The following GALNT17 variants were observed in gnomAD, a reference collection of about 807,000 sequenced individuals.
GALNT17 encodes the protein polypeptide N-acetylgalactosaminyltransferase 17.
A neutral mutation model predicts 63.7 loss-of-function variants in GALNT17; 29 were observed. The observed-to-expected ratio is 0.46, with a 90% CI of 0.34 to 0.62. The LOEUF (loss-of-function observed/expected upper bound fraction) is 0.62. Among genes scored for constraint, GALNT17 ranks in the 20% least tolerant of loss-of-function variants. The pLI is 0.01. For synonymous variants in GALNT17, 305 were observed against 318.3 expected, an observed-to-expected ratio of 0.96 and a Z score of 0.45; for missense variants, 603 against 799.6, an observed-to-expected ratio of 0.75 and a Z score of 2.97.
chr7:71,281,538 A>G (rs1790776746), intron 1 of GALNT17, among the ~76,000 whole-genome samples: 2 of 152,194 alleles, frequency 1.3e-5, no homozygotes, highest in African/African-American at 2.4e-5. Flanking sequence ...CAGAGAGTGC[A>G]GCAGGATCCA....
chr7:71,445,026 GA>G (rs770131403), intron 5 of GALNT17, among the ~76,000 whole-genome samples: 3 of 152,078 alleles, frequency 2.0e-5, no homozygotes, highest in Non-Finnish European at 4.4e-5. Context: ...TTTTATGGGG[GA>G]ATGGAGAGGG....
intron 6 of GALNT17, among the ~76,000 whole-genome samples, chr7:71,660,693 C>T (rs1222953528): frequency 6.6e-6 from 1 of 152,226 alleles, no homozygotes; most frequent in Admixed American, 6.5e-5. Flanking sequence ...GAATATCACT[C>T]CTTCCGGGAA....
chr7:71,708,557 C>A (rs1429180324), intron 9 of GALNT17, among the ~76,000 whole-genome samples: 1 of 152,124 alleles, frequency 6.6e-6, no homozygotes, highest in Non-Finnish European at 1.5e-5. Context: ...CAAATGGATT[C>A]TTTTTAATTT....
intron 3 of GALNT17, among the ~76,000 whole-genome samples, chr7:71,389,164 C>T (rs556821160): frequency 3.4e-4 from 51 of 151,122 alleles, no homozygotes; most frequent in African/African-American, 1.2e-3. Flanking sequence ...GATGGAGTCT[C>T]GCTCCATCAC....
intron 6 of GALNT17, among the ~76,000 whole-genome samples, chr7:71,658,458 C>T (rs927598498): frequency 2.0e-5 from 3 of 152,152 alleles, no homozygotes; most frequent in African/African-American, 7.2e-5. Context: ...TTCCATATTC[C>T]AGAGGCCTGG....
At chr7:71,137,283 G>A (rs1279706100) in intron 1 of GALNT17, among the ~76,000 whole-genome samples, 1 of 152,024 alleles carries the variant, frequency 6.6e-6, no homozygotes, top group African/African-American at 2.4e-5. Flanking sequence ...GGGACTACAG[G>A]CGTCCGCCAC....
chr7:71,330,847 G>A (rs1175503045), intron 1 of GALNT17, among the ~76,000 whole-genome samples: 2 of 152,174 alleles, frequency 1.3e-5, no homozygotes, highest in Non-Finnish European at 2.9e-5. Flanking sequence ...CCTGTTTGGT[G>A]GAAATAGACA....
At chr7:71,576,036 G>GA (rs547209764) in intron 6 of GALNT17, among the ~76,000 whole-genome samples, 15 of 151,350 alleles carry the variant, frequency 9.9e-5, no homozygotes, top group Admixed American at 2.0e-4. Flanking sequence ...AATGTTAAGA[G>GA]AAAAAAAAAT....
intron 1 of GALNT17, among the ~76,000 whole-genome samples, chr7:71,236,438 C>T (rs759690869): frequency 6.6e-5 from 10 of 152,254 alleles, no homozygotes; most frequent in African/African-American, 9.6e-5. Flanking sequence ...CACTGTTGGA[C>T]GGGCCTAGTC....
intron 1 of GALNT17, among the ~76,000 whole-genome samples, chr7:71,252,482 A>T (rs1790217436): frequency 6.6e-6 from 1 of 152,174 alleles, no homozygotes; most frequent in Non-Finnish European, 1.5e-5. Context: ...CCAAGATTGT[A>T]CCACTGCACC....
chr7:71,229,805 T>C (rs1789754398), intron 1 of GALNT17, among the ~76,000 whole-genome samples: 1 of 152,198 alleles, frequency 6.6e-6, no homozygotes, highest in South Asian at 2.1e-4. Context: ...TAGTTCGATG[T>C]CTGTGACAAG....
At chr7:71,622,602 C>A (rs1306959841) in intron 6 of GALNT17, among the ~76,000 whole-genome samples, 1 of 152,092 alleles carries the variant, frequency 6.6e-6, no homozygotes, top group Non-Finnish European at 1.5e-5. Context: ...ACTTTAGGAT[C>A]TAACACTTCC....
Position 71,132,727 on chromosome 7 carries a change from C to T in GALNT17, c.-76C>T, listed in dbSNP as rs571277019. 4 of 1,276,682 alleles carry T rather than the reference C, an allele frequency of 3.1e-6. No individual in the cohort carries two copies. Among genetic ancestry groups the T allele is most frequent in the Non-Finnish European group, 4.3e-6 (4 of 929,548 alleles). 79.1% of individuals were successfully genotyped at this position (1,276,682 alleles called of 1,614,324 possible). A position where few individuals can be genotyped will look rare whatever the true frequency, so the allele number is the denominator to read the frequency against. Reference sequence around the variant, plus strand: ...GGCCGTCTGGTGTGTGAGGCTTGCACGGCCCCTGGCTGCCCCGCGCCTCGC... The same window carrying T: ...GGCCGTCTGGTGTGTGAGGCTTGCATGGCCCCTGGCTGCCCCGCGCCTCGC... On this transcript the variant is annotated 5_prime_UTR_variant, in exon 1 of 11. The change creates a new upstream start codon in the 5' untranslated region. Transcript: ENST00000333538.
chr7:71,447,796 C>T lies in GALNT17; in HGVS notation c.962+26691C>T, dbSNP rs540191668. ...GTTTTCTATATACTGTTAACTAATT[C>T]AGCTACATGCTTTCTACCACTTGTC... On this transcript the variant is annotated intron_variant, in intron 5 of 10. Transcript: ENST00000333538. 2.0e-5 allele frequency among the ~76,000 whole-genome samples: 3 copies of T among 152,218 alleles called. No homozygotes were observed. The East Asian group carries it at 5.8e-4, about 29-fold the overall frequency.
chr7:71,505,205 T>G (rs944001532), intron 5 of GALNT17, among the ~76,000 whole-genome samples: 1 of 152,096 alleles, frequency 6.6e-6, no homozygotes, highest in African/African-American at 2.4e-5. Flanking sequence ...TCCTGCCACA[T>G]CTTCCCCAGG....
At chr7:71,230,161 A>T (rs1388150399) in intron 1 of GALNT17, among the ~76,000 whole-genome samples, 2 of 152,206 alleles carry the variant, frequency 1.3e-5, no homozygotes, top group African/African-American at 4.8e-5. Flanking sequence ...TGTGCCTCCC[A>T]ACTCCCCATG....
At chr7:71,231,340 A>C (rs1279224831) in intron 1 of GALNT17, among the ~76,000 whole-genome samples, 2 of 151,510 alleles carry the variant, frequency 1.3e-5, no homozygotes, top group African/African-American at 2.4e-5. Flanking sequence ...TTTCCCCCAG[A>C]TATTTGGATT....
chr7:71,282,010 CT>C (rs1317170235), intron 1 of GALNT17, among the ~76,000 whole-genome samples: 1 of 152,142 alleles, frequency 6.6e-6, no homozygotes, highest in Non-Finnish European at 1.5e-5. Context: ...CTCTTTCTTC[CT>C]CAATGTTCTC....
chr7:71,539,223 C>A (rs144336905), intron 5 of GALNT17, among the ~76,000 whole-genome samples: 1 of 152,118 alleles, frequency 6.6e-6, no homozygotes, highest in African/African-American at 2.4e-5. Context: ...TGAGCCACAC[C>A]GTGCCCAGCC....
Sources: allele counts gnomAD v4.1 joint callset (sites outside exome capture counted in the v4.1 genomes callset), GRCh38; gene constraint gnomAD v4.1.1; transcripts MANE v1.5; gene names NCBI Gene and HGNC (gene_info 2026-07-23, HGNC 2026-07-21).